Variants in SARDH observed in about 807,000 individuals in gnomAD.
SARDH encodes the protein sarcosine dehydrogenase.
In SARDH, 95 loss-of-function variants were observed where a neutral mutation model predicts 109.1. The observed-to-expected ratio is 0.87, with a 90% CI of 0.74 to 1.03. SARDH has a LOEUF of 1.03. SARDH is among the 50% of genes least tolerant of loss of function. SARDH has a pLI of 0.00. For missense variants in SARDH, 1,267 were observed against 1,287.8 expected (o/e 0.98, Z 0.25); for synonymous variants, 572 against 534.8 (o/e 1.07, Z -0.96).
At chr9:133,732,935 C>T (rs1295782460) in intron 2 of SARDH, among the ~76,000 whole-genome samples, 1 of 152,188 alleles carries the variant, frequency 6.6e-6, no homozygotes, top group African/African-American at 2.4e-5. Context: ...CAAGTGGCAC[C>T]AACAGTTCTG....
At chr9:133,710,068 C>A (rs552473525) in intron 10 of SARDH, among the ~76,000 whole-genome samples, 3 of 152,272 alleles carry the variant, frequency 2.0e-5, no homozygotes, top group African/African-American at 7.2e-5. Flanking sequence ...CCCAGACCAC[C>A]CTTTTCACTT....
downstream of SARDH, among the ~76,000 whole-genome samples, chr9:133,659,963 T>C (rs1418620397): frequency 6.6e-6 from 1 of 152,040 alleles, no homozygotes; most frequent in Non-Finnish European, 1.5e-5. Flanking sequence ...GCAGGGAAAC[T>C]GAGACTCCCA....
At chr9:133,731,536 G>T (rs755761431) in intron 3 of SARDH, 52 bp from the exon 4 acceptor site, 3 of 1,570,008 alleles carry the variant, frequency 1.9e-6, no homozygotes, top group Non-Finnish European at 2.6e-6. Flanking sequence ...AGACCCCTGG[G>T]CCACTCCCCT....
rs117218859 is a variant in SARDH at position 133,718,678 on chromosome 9, T to C, written c.1020+260A>G. 10,810 of 779,608 alleles carry C rather than the reference T, an allele frequency of 0.014. 113 individuals are homozygous for C. Among genetic ancestry groups the C allele is most frequent in the Non-Finnish European group, 0.018 (7,588 of 417,974 alleles). The allele number at this position is 779,608 out of a possible 1,614,324, so 48.3% of individuals were successfully genotyped here. ...GTGCTCTCATGCCCTTCTGAGGTCA[T>C]CACTCCACACTGCGCAGACCTTCTC... On this transcript the variant is annotated intron_variant, in intron 7 of 20. Transcript: ENST00000439388. The surrounding 1 kb of genome is among the most constrained non-coding windows in gnomAD (Gnocchi z 4.2).
chr9:133,736,340 G>A (rs554619992), intron 1 of SARDH, among the ~76,000 whole-genome samples: 1 of 152,306 alleles, frequency 6.6e-6, no homozygotes, highest in Non-Finnish European at 1.5e-5. Flanking sequence ...CTATGTTGCA[G>A]CTCTTTTGCT....
chr9:133,715,126 G>T (rs954618843), intron 8 of SARDH, among the ~76,000 whole-genome samples: 2 of 152,114 alleles, frequency 1.3e-5, no homozygotes, highest in African/African-American at 4.8e-5. Flanking sequence ...CGCTCCCTAA[G>T]TCACGGGGGC....
chr9:133,728,563 C>G lies in SARDH; in HGVS notation c.915+1202G>C, dbSNP rs539410689. On this transcript the variant is annotated intron_variant, in intron 6 of 20. Coordinates refer to ENST00000439388, the MANE Select transcript of SARDH (RefSeq NM_001134707.2). This position sits in a 1 kb window ranked among gnomAD's most constrained non-coding sequence, Gnocchi z 5.0. ...CAGCTGCCTCCTCCAGGGAGCCTCC[C>G]CTGGTCCACTAGGGCTGGGAATTCC... Among the ~76,000 whole-genome samples the G allele has an allele frequency of 2.7e-4, 41 of 152,332 alleles. No individual in the cohort carries two copies. The highest frequency in any genetic ancestry group is 8.7e-4 in the African/African-American group (36 of 41,576).
At chr9:133,707,698 C>T (rs576472131) in intron 11 of SARDH, among the ~76,000 whole-genome samples, 2 of 152,092 alleles carry the variant, frequency 1.3e-5, no homozygotes, top group Admixed American at 6.5e-5. Context: ...GCGTCCAGCA[C>T]GAGATGGCCA....
At chr9:133,660,618 G>C (rs938023276), downstream of SARDH, among the ~76,000 whole-genome samples, 29 of 152,312 alleles carry the variant, frequency 1.9e-4, no homozygotes, top group African/African-American at 4.8e-4. Flanking sequence ...CCCTGAGTTA[G>C]TTACTTTCCT....
chr9:133,667,906 C>T (rs1437514905), intron 19 of SARDH, among the ~76,000 whole-genome samples: 1 of 152,144 alleles, frequency 6.6e-6, no homozygotes, highest in Non-Finnish European at 1.5e-5. Flanking sequence ...TGTGGCAGGG[C>T]TGTTCTCTGT....
chr9:133,719,840 G>A (rs984457627), intron 6 of SARDH, among the ~76,000 whole-genome samples: 2 of 149,472 alleles, frequency 1.3e-5, no homozygotes, highest in South Asian at 2.1e-4. Flanking sequence ...GGCCAGGCAC[G>A]GTGGCTCACA....
intron 16 of SARDH, 96 bp from the exon 17 acceptor site, chr9:133,685,382 C>G: frequency 1.2e-6 from 1 of 861,316 alleles, no homozygotes; most frequent in Non-Finnish European, 1.8e-6. Flanking sequence ...GGGATAAGTC[C>G]CTGTCCTCAT....
chr9:133,661,339 C>CA (rs748291485), downstream of SARDH, among the ~76,000 whole-genome samples: 571 of 140,170 alleles, frequency 4.1e-3, no homozygotes, highest in South Asian at 0.012. Context: ...AACCCTGTCT[C>CA]AAAAAAAAAA....
In SARDH at chr9:133,732,464, A is replaced by G; in HGVS notation, c.469T>C (p.Ser157Pro). Reference sequence around the variant, plus strand: ...TACTCGTCCAGGCGCTGCCGGTTGGACGCGATGAAGAGGCCCCCATTCTGG... The same window carrying G: ...TACTCGTCCAGGCGCTGCCGGTTGGGCGCGATGAAGAGGCCCCCATTCTGG... ...WIQNGGLFIA[S>P]NRQRLDEYKR... is the part of the protein sequence containing the mutation. Residue 157 changes from serine (S) to proline (P), a missense_variant, in exon 3 of 21, where the codon TCC becomes CCC. Transcript: ENST00000439388. The G allele has an allele frequency of 7.0e-7, 1 of 1,423,040 alleles. No individual in the cohort carries two copies. 88.2% of individuals were successfully genotyped at this position (1,423,040 alleles called of 1,614,324 possible). A position where few individuals can be genotyped will look rare whatever the true frequency, so the allele number is the denominator to read the frequency against.
chr9:133,705,318 G>GAATT (rs1338730489), intron 11 of SARDH, among the ~76,000 whole-genome samples: 2 of 87,574 alleles, frequency 2.3e-5, no homozygotes, highest in Non-Finnish European at 5.0e-5. Context: ...CCCATCTATA[G>GAATT]AATTACCACC....
At position 133,709,800 on chromosome 9, in the gene SARDH, G is replaced by A. The variant is rs563299821; in HGVS notation, c.1329-1372C>T. 2.0e-5 allele frequency among the ~76,000 whole-genome samples: 3 copies of A among 152,184 alleles called. No homozygotes were observed. The highest frequency in any genetic ancestry group is 7.2e-5 in the African/African-American group (3 of 41,516). On this transcript the variant is annotated intron_variant, in intron 10 of 20. Transcript: ENST00000439388. The surrounding 1 kb of genome is among the most constrained non-coding windows in gnomAD (Gnocchi z 4.2). ...TGGGACCCAAGATTAACTCTTTCACGCAGGGGGAAACTGAGGCTCGGAAGG... is the reference window on the plus strand; with the variant it reads ...TGGGACCCAAGATTAACTCTTTCACACAGGGGGAAACTGAGGCTCGGAAGG...
At chr9:133,716,685 T>C (rs892071938) in intron 8 of SARDH, among the ~76,000 whole-genome samples, 3 of 152,216 alleles carry the variant, frequency 2.0e-5, no homozygotes, top group Admixed American at 6.5e-5. Context: ...GCCCACCTTT[T>C]TGCTCCAGCC....
intron 13 of SARDH, among the ~76,000 whole-genome samples, chr9:133,697,959 C>T (rs542590527): frequency 7.5e-6 from 1 of 132,896 alleles, no homozygotes; most frequent in Non-Finnish European, 1.6e-5. Flanking sequence ...TAAAAACATC[C>T]CTATTTGCCA....
chr9:133,676,001 G>A (rs1281272027), intron 17 of SARDH, among the ~76,000 whole-genome samples: 1 of 152,070 alleles, frequency 6.6e-6, no homozygotes, highest in Non-Finnish European at 1.5e-5. Context: ...GCTGAAGGGG[G>A]GAGGATCACT....
Sources: gnomAD v4.1 joint callset for allele counts (sites outside exome capture counted in the v4.1 genomes callset) on GRCh38, gnomAD v4.1.1 for gene constraint, Gnocchi (gnomAD v3.1) non-coding constraint, MANE v1.5 for transcripts, NCBI Gene and HGNC (gene_info 2026-07-23, HGNC 2026-07-21) for gene names.